The following LGSN variants were observed in gnomAD, a reference collection of about 807,000 sequenced individuals.
The protein encoded by LGSN is lengsin.
LGSN carries 21 observed loss-of-function variants against 19.5 expected under a neutral mutation model. The ratio of observed to expected loss-of-function variants is 1.07; its 90% CI spans 0.76 to 1.55. LGSN has a LOEUF of 1.55. LGSN is among the 40% of genes most tolerant of loss of function. The pLI, the probability that LGSN is intolerant of heterozygous loss-of-function variation, is 0.00. For missense variants in LGSN, 673 were observed against 608.5 expected, an observed-to-expected ratio of 1.11 and a Z score of -1.12; for synonymous variants, 257 against 215.6, an observed-to-expected ratio of 1.19 and a Z score of -1.68.
intron 1 of LGSN, among the ~76,000 whole-genome samples, chr6:63,308,617 A>G (rs1180226426): frequency 2.6e-5 from 4 of 151,886 alleles, no homozygotes; most frequent in Non-Finnish European, 5.9e-5. Flanking sequence ...GTCAATACAA[A>G]AAAAAAAAAC....
At chr6:63,425,835 T>C in the LGSN span, among the ~76,000 whole-genome samples, 4 of 151,928 alleles carry the variant, frequency 2.6e-5, no homozygotes, top group African/African-American at 9.7e-5. Context: ...AAAAGAAATA[T>C]ACTGTATCTT....
At chr6:63,361,701 C>T in the LGSN span, among the ~76,000 whole-genome samples, 129 of 152,200 alleles carry the variant, frequency 8.5e-4, 1 homozygote, top group Non-Finnish European at 1.2e-3. Context: ...GAGATGCAAC[C>T]GGTACCTCAG....
At chr6:63,458,201 G>A in the LGSN span, among the ~76,000 whole-genome samples, 1 of 152,068 alleles carries the variant, frequency 6.6e-6, no homozygotes, top group African/African-American at 2.4e-5. Flanking sequence ...CCGAGTAGCT[G>A]GGATTACAGG....
At chr6:63,520,228 C>T in the LGSN span, among the ~76,000 whole-genome samples, 5 of 152,190 alleles carry the variant, frequency 3.3e-5, no homozygotes, top group African/African-American at 9.7e-5. Flanking sequence ...TCCCATTAGA[C>T]ATTTATGTGA....
chr6:63,353,602 A>G, the LGSN span, among the ~76,000 whole-genome samples: 10 of 149,766 alleles, frequency 6.7e-5, no homozygotes, highest in South Asian at 2.1e-4. Context: ...AAAAAAAAAA[A>G]AAAAAGAAAA....
At chr6:63,405,035 T>C in the LGSN span, among the ~76,000 whole-genome samples, 1 of 143,194 alleles carries the variant, frequency 7.0e-6, no homozygotes, top group African/African-American at 2.6e-5. Context: ...AATTCCCACC[T>C]ATGAGTGAGA....
chr6:63,516,562 T>C, the LGSN span, among the ~76,000 whole-genome samples: 4 of 152,220 alleles, frequency 2.6e-5, no homozygotes, highest in Non-Finnish European at 4.4e-5. Context: ...AATTTTTCCA[T>C]TTGTAAGTTG....
the LGSN span, chr6:63,440,755 C>A: frequency 6.5e-6 from 1 of 153,506 alleles, no homozygotes; most frequent in South Asian, 2.0e-4. Context: ...TCCGTTCAGC[C>A]GACCGTCACC....
At chr6:63,507,741 A>G in the LGSN span, among the ~76,000 whole-genome samples, 1 of 152,228 alleles carries the variant, frequency 6.6e-6, no homozygotes, top group Non-Finnish European at 1.5e-5. Context: ...ATTTAGGTTA[A>G]GCAGAGCCTG....
chr6:63,357,898 G>A, the LGSN span, among the ~76,000 whole-genome samples: 1 of 152,006 alleles, frequency 6.6e-6, no homozygotes, highest in African/African-American at 2.4e-5. Context: ...TAGACATGAA[G>A]TCCTTGCCCA....
chr6:63,453,664 C>T, the LGSN span, among the ~76,000 whole-genome samples: 1 of 150,952 alleles, frequency 6.6e-6, no homozygotes. Flanking sequence ...ATAATTTTTT[C>T]TTTTTTTGAG....
chr6:63,328,500 C>G, the LGSN span, among the ~76,000 whole-genome samples: 5 of 152,226 alleles, frequency 3.3e-5, no homozygotes, highest in South Asian at 2.1e-4. Flanking sequence ...GTACTCCAGA[C>G]AGTGAGATCC....
chr6:63,483,187 T>C, the LGSN span, among the ~76,000 whole-genome samples: 1 of 152,154 alleles, frequency 6.6e-6, no homozygotes, highest in Non-Finnish European at 1.5e-5. Context: ...AGCAGAAATT[T>C]AGAGAAAGGC....
chr6:63,308,945 C>T (rs2127394089), intron 1 of LGSN, among the ~76,000 whole-genome samples: 1 of 152,144 alleles, frequency 6.6e-6, no homozygotes, highest in East Asian at 1.9e-4. Flanking sequence ...GTATTAATTA[C>T]TTTAAAAATA....
the LGSN span, among the ~76,000 whole-genome samples, chr6:63,561,095 G>C: frequency 6.6e-6 from 1 of 152,140 alleles, no homozygotes; most frequent in African/African-American, 2.4e-5. Flanking sequence ...GTTTAGCAAA[G>C]AACCAGAGCA....
chr6:63,452,304 A>G, the LGSN span, among the ~76,000 whole-genome samples: 3 of 152,124 alleles, frequency 2.0e-5, no homozygotes, highest in East Asian at 5.8e-4. Context: ...ACTGGAGTAC[A>G]GTGGCGCAAT....
At chr6:63,487,552 G>A in the LGSN span, among the ~76,000 whole-genome samples, 1 of 152,204 alleles carries the variant, frequency 6.6e-6, no homozygotes, top group Non-Finnish European at 1.5e-5. Flanking sequence ...TGAATGTTAA[G>A]AGAACTCAAA....
At chr6:63,493,501 G>T in the LGSN span, among the ~76,000 whole-genome samples, 5 of 151,324 alleles carry the variant, frequency 3.3e-5, no homozygotes, top group Admixed American at 6.6e-5. Context: ...TCAGTTTAAA[G>T]AATTTAATTT....
the LGSN span, among the ~76,000 whole-genome samples, chr6:63,349,284 T>A: frequency 6.6e-6 from 1 of 152,152 alleles, no homozygotes; most frequent in African/African-American, 2.4e-5. Flanking sequence ...ATGTAAATTG[T>A]GAGAGTATTA....
Sources: gnomAD v4.1 joint callset for allele counts (sites outside exome capture counted in the v4.1 genomes callset) on GRCh38, gnomAD v4.1.1 for gene constraint, MANE v1.5 for transcripts, NCBI Gene and HGNC (gene_info 2026-07-23, HGNC 2026-07-21) for gene names.